The following SLC12A1 variants were observed in gnomAD, a reference collection of about 807,000 sequenced individuals.
The protein encoded by SLC12A1 is Na-K-2Cl cotransporter.
SLC12A1 carries 89 observed loss-of-function variants against 130.4 expected under a neutral mutation model. The observed-to-expected ratio is 0.68, with a 90% CI of 0.58 to 0.81. The LOEUF is 0.81. SLC12A1 is among the 40% of genes least tolerant of loss of function. The probability of loss-of-function intolerance (pLI) is 0.00; values close to 1 mark genes in which losing one functional copy is unlikely to be tolerated. For synonymous variants in SLC12A1, 499 were observed against 460.0 expected (o/e 1.08, Z -1.09); for missense variants, 1,310 against 1,336.4 (o/e 0.98, Z 0.31).
rs2042258997 is a variant in SLC12A1 at position 48,303,757 on chromosome 15, T to G, written c.*872T>G. 1.3e-5 allele frequency: 2 copies of G among 152,220 alleles called. No homozygotes were observed. The highest frequency in any genetic ancestry group is 2.9e-5 in the Non-Finnish European group (2 of 68,038). The allele number at this position is 152,220 out of a possible 1,614,324, so 9.4% of individuals were successfully genotyped here. On this transcript the variant is annotated 3_prime_UTR_variant, in exon 27 of 27. Transcript: ENST00000380993. ...TCTTTATAGATGACTACTTGAAAACTAAGTGCTACAAATTTTCAAACCATT... is the reference window on the plus strand; with the variant it reads ...TCTTTATAGATGACTACTTGAAAACGAAGTGCTACAAATTTTCAAACCATT...
At chr15:48,301,517 G>A (rs1043713719) in intron 26 of SLC12A1, 135 bp downstream of exon 26, 5 of 575,398 alleles carry the variant, frequency 8.7e-6, no homozygotes, top group South Asian at 4.8e-5. Flanking sequence ...GGGGGAACAC[G>A]TGGGATTCTT....
chr15:48,221,590 A>T (rs1190789265), intron 4 of SLC12A1: 3 of 445,558 alleles, frequency 6.7e-6, no homozygotes, highest in Non-Finnish European at 1.2e-5. Context: ...TCTAAATGAA[A>T]AATGGATAAT....
intron 24 of SLC12A1, among the ~76,000 whole-genome samples, chr15:48,294,367 A>C (rs567708162): frequency 6.7e-6 from 1 of 150,344 alleles, no homozygotes; most frequent in Admixed American, 6.6e-5. Flanking sequence ...AAAAAAAAAG[A>C]AGAAGAAGAA....
intron 20 of SLC12A1, among the ~76,000 whole-genome samples, chr15:48,275,677 G>A (rs962697976): frequency 2.6e-5 from 4 of 152,116 alleles, no homozygotes; most frequent in Non-Finnish European, 5.9e-5. Flanking sequence ...GAGGACATGA[G>A]AATAGAGAGG....
intron 9 of SLC12A1, chr15:48,235,249 A>G (rs1259975022): frequency 1.0e-5 from 5 of 486,476 alleles, no homozygotes; most frequent in African/African-American, 9.6e-5. Context: ...ATAGTGTGTC[A>G]TATTTCCCCA....
chr15:48,231,702 C>T (rs1230915706), intron 7 of SLC12A1, among the ~76,000 whole-genome samples: 1 of 152,090 alleles, frequency 6.6e-6, no homozygotes, highest in African/African-American at 2.4e-5. Context: ...TATTGTAAGC[C>T]CTCAGTGAAC....
rs761803103 is a variant in SLC12A1 at position 48,226,493 on chromosome 15, ATTC to A, written c.652_654del (p.Leu218del). 8 of 1,596,086 alleles carry A rather than the reference ATTC, an allele frequency of 5.0e-6. No individual in the cohort carries two copies. Among genetic ancestry groups the A allele is most frequent in the South Asian group, 2.3e-5 (2 of 87,340 alleles). ...GCTAACAGGTCTTGGAGTTCTCATA[ATTC>A]TTCTTTCCACCATGGTAACTTCTAT... On this transcript the variant is annotated inframe_deletion, in exon 5 of 27. Coordinates refer to ENST00000380993, the MANE Select transcript of SLC12A1 (RefSeq NM_000338.3).
intron 24 of SLC12A1, among the ~76,000 whole-genome samples, chr15:48,292,941 G>A (rs769346114): frequency 6.6e-6 from 1 of 151,922 alleles, no homozygotes; most frequent in South Asian, 2.1e-4. Context: ...TTTGAGACAG[G>A]GTCTCACTCT....
Position 48,207,769 on chromosome 15 carries a change from A to G in SLC12A1, c.50A>G (p.Asn17Ser), listed in dbSNP as rs757876818. The change falls in exon 2 of 27, where the codon AAT becomes AGT. Residue 17 changes from asparagine (N) to serine (S), a missense_variant. Transcript: ENST00000380993. The stretch of plus-strand genomic sequence containing the variant: ...GTATTTCTGGATTCAGTGCCCAGTA[A>G]TACCAATCGCTTTCAAGTTAGTGTC... ...SNVFLDSVPS[N>S]TNRFQVSVIN... 136 of 1,611,652 alleles carry G rather than the reference A, an allele frequency of 8.4e-5. 1 individual carries two copies. Among genetic ancestry groups the G allele is most frequent in the Admixed American group, 5.0e-4 (30 of 59,746 alleles).
intron 24 of SLC12A1, among the ~76,000 whole-genome samples, chr15:48,295,735 T>C (rs566371716): frequency 6.1e-4 from 93 of 152,322 alleles, no homozygotes; most frequent in African/African-American, 2.1e-3. Context: ...AAAAGAATCC[T>C]TGTGGCCAAT....
At chr15:48,244,928 T>C in intron 11 of SLC12A1, 24 bp downstream of exon 11, 1 of 1,609,180 alleles carries the variant, frequency 6.2e-7, no homozygotes. Flanking sequence ...TTCAAAAATG[T>C]TCACTGCTAT....
chr15:48,288,111 A>C lies in SLC12A1; in HGVS notation c.2698A>C (p.Thr900Pro). The C allele has an allele frequency of 4.3e-6, 7 of 1,610,824 alleles. No individual in the cohort carries two copies. The highest frequency in any genetic ancestry group is 5.9e-6 in the Non-Finnish European group (7 of 1,178,490). The change falls in exon 22 of 27, where the codon ACT (threonine) becomes CCT (proline). Residue 900 changes from threonine (T) to proline (P), a missense_variant. Coordinates refer to ENST00000380993, the MANE Select transcript of SLC12A1 (RefSeq NM_000338.3). ...CAACCAGAAACTGGTGGAAGCCAGC[A>C]CTCAATTTAAAAAGAAACAAGAAAA... is the stretch of plus-strand genomic sequence containing the variant. ...EFNQKLVEAS[T>P]QFKKKQEKGT...
intron 2 of SLC12A1, among the ~76,000 whole-genome samples, chr15:48,214,680 T>A (rs575683135): frequency 6.6e-6 from 1 of 152,216 alleles, no homozygotes; most frequent in Admixed American, 6.5e-5. Flanking sequence ...TAGAATCATA[T>A]GTTTTTCATT....
intron 19 of SLC12A1, among the ~76,000 whole-genome samples, chr15:48,272,418 T>TTTTGTTTGTTTGTTTG (rs57354501): frequency 1.2e-3 from 180 of 151,592 alleles, no homozygotes; most frequent in East Asian, 9.0e-3. Context: ...TGGTTTAGTT[T>TTTTGTTTGTTTGTTTG]TTTGTTTGTT....
chr15:48,288,152 T>C lies in SLC12A1; in HGVS notation c.2739T>C (p.Val913=). Residue 913 remains valine (V), a synonymous_variant, in exon 22 of 27, where the codon GTT becomes GTC. Coordinates refer to ENST00000380993, the MANE Select transcript of SLC12A1 (RefSeq NM_000338.3). ...AACAAGAAAAAGGCACAATTGATGT[T>C]TGGTGGTTGTTTGATGATGGAGGTA... ...KKKQEKGTID[V]WWLFDDGGLT... The C allele has an allele frequency of 6.2e-7, 1 of 1,609,612 alleles. No individual in the cohort carries two copies. The highest frequency in any genetic ancestry group is 8.5e-7 in the Non-Finnish European group (1 of 1,177,944).
At chr15:48,280,352 C>T (rs2041998419) in intron 20 of SLC12A1, among the ~76,000 whole-genome samples, 1 of 152,126 alleles carries the variant, frequency 6.6e-6, no homozygotes, top group South Asian at 2.1e-4. Context: ...AAGAGTCACT[C>T]TTAGTTATTA....
At chr15:48,262,279 A>G (rs2041783043) in intron 17 of SLC12A1, among the ~76,000 whole-genome samples, 1 of 152,148 alleles carries the variant, frequency 6.6e-6, no homozygotes, top group Non-Finnish European at 1.5e-5. Context: ...GCAGCTATTG[A>G]AGTACTTGCT....
chr15:48,303,647 G>A lies in SLC12A1; in HGVS notation c.*762G>A, dbSNP rs1169443617. 6.6e-6 allele frequency: 1 copy of A among 152,020 alleles called. No individual in the cohort carries two copies. Among genetic ancestry groups the A allele is most frequent in the African/African-American group, 2.4e-5 (1 of 41,364 alleles). The allele number at this position is 152,020 out of a possible 1,614,324, so 9.4% of individuals were successfully genotyped here. A position where few individuals can be genotyped will look rare whatever the true frequency, so the allele number is the denominator to read the frequency against. Reference sequence around the variant, plus strand: ...TATTCTCAATATATAAACTTTAATTGTACTCCCTATCAAATATTTTGAAAT... The same window carrying A: ...TATTCTCAATATATAAACTTTAATTATACTCCCTATCAAATATTTTGAAAT... On this transcript the variant is annotated 3_prime_UTR_variant, in exon 27 of 27. Coordinates refer to ENST00000380993, the MANE Select transcript of SLC12A1 (RefSeq NM_000338.3).
chr15:48,237,886 T>C (rs1367140976), intron 9 of SLC12A1, among the ~76,000 whole-genome samples: 1 of 152,016 alleles, frequency 6.6e-6, no homozygotes, highest in Admixed American at 6.6e-5. Flanking sequence ...GTGTAATAGG[T>C]AGGAAGACTG....
Sources: gnomAD v4.1 joint callset for allele counts (sites outside exome capture counted in the v4.1 genomes callset) on GRCh38, gnomAD v4.1.1 for gene constraint, MANE v1.5 for transcripts, NCBI Gene and HGNC (gene_info 2026-07-23, HGNC 2026-07-21) for gene names.